Variants in RABGAP1L observed in about 807,000 individuals in gnomAD.
The protein encoded by RABGAP1L is RAB GTPase activating protein 1 like.
A neutral mutation model predicts 137.7 loss-of-function variants in RABGAP1L; 63 were observed. That is an observed-to-expected ratio of 0.46 (90% CI 0.37 to 0.56). RABGAP1L has a LOEUF of 0.56. RABGAP1L is among the 20% of genes least tolerant of loss of function. RABGAP1L has a pLI of 0.00. For synonymous variants in RABGAP1L, 431 were observed against 433.7 expected, an observed-to-expected ratio of 0.99 and a Z score of 0.08; for missense variants, 1,095 against 1,244.0, an observed-to-expected ratio of 0.88 and a Z score of 1.80.
intron 19 of RABGAP1L, among the ~76,000 whole-genome samples, chr1:174,842,099 TAAAC>T (rs1573454158): frequency 6.6e-6 from 1 of 152,312 alleles, no homozygotes; most frequent in Admixed American, 6.5e-5. Context: ...AAACCAAAAA[TAAAC>T]TAGGTATATA....
intron 11 of RABGAP1L, among the ~76,000 whole-genome samples, chr1:174,323,437 A>C (rs569066873): frequency 4.8e-4 from 73 of 152,214 alleles, no homozygotes; most frequent in Non-Finnish European, 9.3e-4. Flanking sequence ...CTACACTCTT[A>C]ATTGCTTAAA....
At chr1:174,843,351 A>G (rs1693645050) in intron 19 of RABGAP1L, among the ~76,000 whole-genome samples, 1 of 150,086 alleles carries the variant, frequency 6.7e-6, no homozygotes, top group South Asian at 2.1e-4. Flanking sequence ...AGCATTAGGT[A>G]TATCTCCCAA....
intron 13 of RABGAP1L, among the ~76,000 whole-genome samples, chr1:174,486,175 G>A (rs1290410146): frequency 6.9e-6 from 1 of 145,176 alleles, no homozygotes; most frequent in Non-Finnish European, 1.5e-5. Flanking sequence ...AGCATCAGTT[G>A]TAATATCTCC....
intron 12 of RABGAP1L, among the ~76,000 whole-genome samples, chr1:174,393,659 G>C (rs1368832287): frequency 6.6e-6 from 1 of 152,102 alleles, no homozygotes; most frequent in Non-Finnish European, 1.5e-5. Context: ...GAATCCAGAT[G>C]GTTCTTTTTA....
chr1:174,432,871 A>G (rs1001157373), intron 13 of RABGAP1L, among the ~76,000 whole-genome samples: 1 of 152,160 alleles, frequency 6.6e-6, no homozygotes, highest in African/African-American at 2.4e-5. Flanking sequence ...TAAAAAAGGA[A>G]TGGTGAGGGA....
intron 19 of RABGAP1L, among the ~76,000 whole-genome samples, chr1:174,894,366 G>T (rs1656779409): frequency 6.6e-6 from 1 of 152,112 alleles, no homozygotes; most frequent in Non-Finnish European, 1.5e-5. Context: ...AGTGTTAATG[G>T]CATCTATAAA....
intron 11 of RABGAP1L, among the ~76,000 whole-genome samples, chr1:174,357,889 C>T (rs1324270231): frequency 6.6e-6 from 1 of 152,166 alleles, no homozygotes; most frequent in Non-Finnish European, 1.5e-5. Context: ...AGCTCTTGCC[C>T]TTTGCCAGGC....
intron 11 of RABGAP1L, among the ~76,000 whole-genome samples, chr1:174,362,173 C>G (rs1185032095): frequency 6.6e-6 from 1 of 152,142 alleles, no homozygotes; most frequent in Non-Finnish European, 1.5e-5. Flanking sequence ...TTTCTTTATC[C>G]AGTCTATCAT....
intron 1 of RABGAP1L, among the ~76,000 whole-genome samples, chr1:174,169,362 G>T (rs1009682504): frequency 1.3e-5 from 2 of 151,706 alleles, no homozygotes; most frequent in African/African-American, 4.8e-5. Flanking sequence ...GAGTAGCTGG[G>T]ACCACAGGCA....
chr1:174,985,623 T>TA lies in RABGAP1L; in HGVS notation c.2805+2720dup, dbSNP rs532342744. Among the ~76,000 whole-genome samples the TA allele has an allele frequency of 7.0e-4, 106 of 152,298 alleles. 1 individual carries two copies. Among genetic ancestry groups the TA allele is most frequent in the African/African-American group, 2.4e-3 (98 of 41,544 alleles). Reference sequence around the variant, plus strand: ...AGCTTTTGGTTTTTTCAGTTTCCTGTAATAACCTTCTTTTGTCATGATCAC... The same window carrying TA: ...AGCTTTTGGTTTTTTCAGTTTCCTGTAAATAACCTTCTTTTGTCATGATCAC... On this transcript the variant is annotated intron_variant, in intron 24 of 25. Coordinates refer to ENST00000681986, the MANE Select transcript of RABGAP1L (RefSeq NM_001366446.1).
chr1:174,263,198 C>A (rs549574114), intron 7 of RABGAP1L, among the ~76,000 whole-genome samples: 5 of 152,334 alleles, frequency 3.3e-5, no homozygotes, highest in Non-Finnish European at 5.9e-5. Flanking sequence ...GGCTGCAGCC[C>A]AGAGGGTTTC....
intron 13 of RABGAP1L, among the ~76,000 whole-genome samples, chr1:174,420,917 T>C (rs1278394667): frequency 6.6e-6 from 1 of 152,106 alleles, no homozygotes; most frequent in Non-Finnish European, 1.5e-5. Context: ...CTTCATGATC[T>C]GCCCTCCTTG....
At chr1:174,651,458 G>T (rs916643750) in intron 14 of RABGAP1L, among the ~76,000 whole-genome samples, 5 of 152,096 alleles carry the variant, frequency 3.3e-5, no homozygotes, top group Non-Finnish European at 5.9e-5. Context: ...CATTATTATT[G>T]TGTGGGAGTC....
At chr1:174,700,963 C>A in intron 16 of RABGAP1L, 1 of 902,020 alleles carries the variant, frequency 1.1e-6, no homozygotes, top group South Asian at 1.8e-5. Context: ...TTTCTGTTAG[C>A]AGTTTTTTTT....
intron 18 of RABGAP1L, among the ~76,000 whole-genome samples, chr1:174,791,907 C>G (rs1276846508): frequency 6.6e-6 from 1 of 152,164 alleles, no homozygotes; most frequent in Admixed American, 6.5e-5. Flanking sequence ...TGTGGATACC[C>G]CTTCTCAACT....
At chr1:174,853,705 T>C (rs546539311) in intron 19 of RABGAP1L, among the ~76,000 whole-genome samples, 16 of 152,176 alleles carry the variant, frequency 1.1e-4, no homozygotes, top group African/African-American at 3.6e-4. Flanking sequence ...CACTCCAGCC[T>C]GGGCGACAGA....
chr1:174,629,892 A>T (rs1673213026), intron 13 of RABGAP1L, among the ~76,000 whole-genome samples: 4 of 152,180 alleles, frequency 2.6e-5, no homozygotes, highest in Admixed American at 2.6e-4. Context: ...TTTCTTAAAT[A>T]TGGAAGGTCA....
chr1:174,701,870 T>C (rs1433168250), intron 16 of RABGAP1L, among the ~76,000 whole-genome samples: 1 of 152,212 alleles, frequency 6.6e-6, no homozygotes, highest in Non-Finnish European at 1.5e-5. Flanking sequence ...AACAGTCAAG[T>C]GAGCAAGAGA....
intron 12 of RABGAP1L, among the ~76,000 whole-genome samples, chr1:174,385,453 A>C (rs1686681774): frequency 1.3e-5 from 2 of 152,182 alleles, no homozygotes; most frequent in Admixed American, 6.5e-5. Flanking sequence ...CATTGAGTTC[A>C]AGGAAAAGAT....
Sources: allele counts gnomAD v4.1 joint callset (sites outside exome capture counted in the v4.1 genomes callset), GRCh38; gene constraint gnomAD v4.1.1; transcripts MANE v1.5; gene names NCBI Gene and HGNC (gene_info 2026-07-23, HGNC 2026-07-21).